C14orf132: variants seen among roughly 807,000 people sequenced by gnomAD.
C14orf132 encodes the protein uncharacterized protein C14orf132.
C14orf132 carries 6 observed loss-of-function variants against 5.8 expected under a neutral mutation model. The observed-to-expected ratio is 1.03, with a 90% CI of 0.57 to 2.04. The LOEUF is 2.04. C14orf132 is among the 30% of genes most tolerant of loss of function. C14orf132 has a pLI of 0.00. For synonymous variants in C14orf132, 51 were observed against 49.8 expected, an observed-to-expected ratio of 1.02 and a Z score of -0.10; for missense variants, 125 against 115.8, an observed-to-expected ratio of 1.08 and a Z score of -0.37.
intron 1 of C14orf132, among the ~76,000 whole-genome samples, chr14:96,049,647 T>TGTACATATATACGTATATATATAC (rs1566823952): frequency 1.3e-5 from 1 of 78,770 alleles, no homozygotes; most frequent in Non-Finnish European, 2.4e-5. Flanking sequence ...TACGTATATA[T>TGTACATATATACGTATATATATAC]ATATATAGAG....
intron 1 of C14orf132, among the ~76,000 whole-genome samples, chr14:96,083,867 G>A (rs1167881861): frequency 3.9e-5 from 6 of 152,210 alleles, no homozygotes; most frequent in Non-Finnish European, 1.5e-5. Flanking sequence ...AGAGAAGGGA[G>A]GGGTGCAGAG....
intron 1 of C14orf132, among the ~76,000 whole-genome samples, chr14:96,053,432 G>A (rs553467219): frequency 6.6e-6 from 1 of 152,362 alleles, no homozygotes; most frequent in East Asian, 1.9e-4. Flanking sequence ...CTGTGTCCCG[G>A]CAGCCATGCA....
At chr14:96,067,914 G>A (rs1452094460) in intron 1 of C14orf132, among the ~76,000 whole-genome samples, 2 of 152,208 alleles carry the variant, frequency 1.3e-5, no homozygotes, top group East Asian at 3.9e-4. Context: ...TACTATGTGT[G>A]CCTGTGTCCT....
At chr14:96,046,222 C>T (rs576254134) in intron 1 of C14orf132, among the ~76,000 whole-genome samples, 2 of 152,280 alleles carry the variant, frequency 1.3e-5, no homozygotes, top group South Asian at 2.1e-4. Flanking sequence ...GGAGGGGAGT[C>T]GGATTCCAGC....
chr14:96,076,421 G>C (rs1340173859), intron 1 of C14orf132, among the ~76,000 whole-genome samples: 1 of 152,132 alleles, frequency 6.6e-6, no homozygotes, highest in Non-Finnish European at 1.5e-5. Flanking sequence ...ATTTTATTGA[G>C]TTTTGTTCTT....
chr14:96,080,964 C>A (rs1249484301), intron 1 of C14orf132, among the ~76,000 whole-genome samples: 1 of 152,134 alleles, frequency 6.6e-6, no homozygotes, highest in Non-Finnish European at 1.5e-5. Context: ...TTCAAAAATA[C>A]CAAAAAATAA....
intron 1 of C14orf132, among the ~76,000 whole-genome samples, chr14:96,073,927 T>C (rs142473828): frequency 6.6e-6 from 1 of 152,146 alleles, no homozygotes; most frequent in South Asian, 2.1e-4. Context: ...CTCAGCAAAC[T>C]AACACAGAAA....
chr14:96,047,299 TG>T (rs1212374626), intron 1 of C14orf132, among the ~76,000 whole-genome samples: 2 of 152,184 alleles, frequency 1.3e-5, no homozygotes, highest in Non-Finnish European at 1.5e-5. Context: ...TTCAGACATA[TG>T]ACTTGAAACA....
At chr14:96,080,242 C>A (rs1388266033) in intron 1 of C14orf132, among the ~76,000 whole-genome samples, 1 of 152,156 alleles carries the variant, frequency 6.6e-6, no homozygotes, top group South Asian at 2.1e-4. Context: ...CAGGGCAGGG[C>A]TGGAGCAGGG....
At chr14:96,068,469 C>T (rs10142588) in intron 1 of C14orf132, among the ~76,000 whole-genome samples, 31,696 of 152,080 alleles carry the variant, frequency 0.21, 3,823 homozygotes, top group South Asian at 0.27. Context: ...CTTCAGCCTC[C>T]CTGTCTGTAG....
Position 96,090,642 on chromosome 14 carries a change from A to AC in C14orf132, c.*3913dup, listed in dbSNP as rs1566840443. 2 of 455,388 alleles carry AC rather than the reference A, an allele frequency of 4.4e-6. No homozygotes were observed. The highest frequency in any genetic ancestry group is 8.8e-6 in the Non-Finnish European group (2 of 226,666). The allele number at this position is 455,388 out of a possible 1,614,324, so 28.2% of individuals were successfully genotyped here. ...CAAATAAGACTCCCTGCTCCACTCT[A>AC]CCCCCCAGAGAGAAATGATTCTCGC... On this transcript the variant is annotated 3_prime_UTR_variant, in exon 2 of 2. Transcript: ENST00000555004.
intron 1 of C14orf132, among the ~76,000 whole-genome samples, chr14:96,055,368 C>A (rs1041001801): frequency 2.6e-5 from 4 of 152,140 alleles, no homozygotes; most frequent in African/African-American, 9.7e-5. Flanking sequence ...AACAGATGTG[C>A]CCTCTGCCCC....
At chr14:96,060,175 T>C (rs1321120017) in intron 1 of C14orf132, among the ~76,000 whole-genome samples, 1 of 152,174 alleles carries the variant, frequency 6.6e-6, no homozygotes, top group Non-Finnish European at 1.5e-5. Context: ...CCCTATCGGC[T>C]AGATTGTCAT....
intron 1 of C14orf132, among the ~76,000 whole-genome samples, chr14:96,082,876 T>C (rs1334700096): frequency 6.6e-6 from 1 of 152,246 alleles, no homozygotes. Flanking sequence ...TTGGACTGCA[T>C]TCTCTTCATT....
intron 1 of C14orf132, among the ~76,000 whole-genome samples, chr14:96,075,178 T>C (rs575527100): frequency 6.6e-6 from 1 of 152,210 alleles, no homozygotes; most frequent in South Asian, 2.1e-4. Context: ...TTGTTGTAAA[T>C]GGTGCTTTTT....
intron 1 of C14orf132, among the ~76,000 whole-genome samples, chr14:96,076,848 A>C (rs1887883500): frequency 6.6e-6 from 1 of 152,154 alleles, no homozygotes; most frequent in Non-Finnish European, 1.5e-5. Context: ...TTGTATTTTC[A>C]CTTTTACTCA....
Position 96,054,068 on chromosome 14 carries a change from G to C in C14orf132, c.27+14541G>C, listed in dbSNP as rs114580278. On this transcript the variant is annotated intron_variant, in intron 1 of 1. Coordinates refer to ENST00000555004, the MANE Select transcript of C14orf132 (RefSeq NM_001252507.3). The stretch of plus-strand genomic sequence containing the variant: ...AATGACCCCTCAGTTGGGGAGGGTG[G>C]TGGAAGTTCTGACTCGTCTGTTTGC... 5.9e-3 allele frequency among the ~76,000 whole-genome samples: 903 copies of C among 152,244 alleles called. 7 individuals are homozygous for C. The highest frequency in any genetic ancestry group is 0.021 in the African/African-American group (865 of 41,544).
chr14:96,061,127 C>A (rs1251580138), intron 1 of C14orf132, among the ~76,000 whole-genome samples: 1 of 152,152 alleles, frequency 6.6e-6, no homozygotes, highest in African/African-American at 2.4e-5. Context: ...TGCCTAAAAC[C>A]ATGCACTGGG....
chr14:96,053,539 C>G (rs1457868481), intron 1 of C14orf132, among the ~76,000 whole-genome samples: 1 of 152,250 alleles, frequency 6.6e-6, no homozygotes, highest in Non-Finnish European at 1.5e-5. Flanking sequence ...CAGAATGGGA[C>G]TCTCCCTGGG....
Sources: gnomAD v4.1 joint callset for allele counts (sites outside exome capture counted in the v4.1 genomes callset) on GRCh38, gnomAD v4.1.1 for gene constraint, MANE v1.5 for transcripts, NCBI Gene and HGNC (gene_info 2026-07-23, HGNC 2026-07-21) for gene names.